The following KALRN variants were observed in gnomAD, a reference collection of about 807,000 sequenced individuals.
The protein encoded by KALRN is kalirin.
KALRN carries 70 observed loss-of-function variants against 353.7 expected under a neutral mutation model. That is an observed-to-expected ratio of 0.20 (90% CI 0.16 to 0.24). The LOEUF (loss-of-function observed/expected upper bound fraction) is 0.24. Among genes scored for constraint, KALRN ranks in the 10% least tolerant of loss-of-function variants. The pLI is 1.00. For missense variants in KALRN, 2,791 were observed against 3,756.7 expected (o/e 0.74, Z 6.72); for synonymous variants, 1,391 against 1,434.8 (o/e 0.97, Z 0.69).
chr3:124,436,127 A>C (rs1398891836), intron 17 of KALRN, among the ~76,000 whole-genome samples: 4 of 152,228 alleles, frequency 2.6e-5, no homozygotes, highest in Non-Finnish European at 5.9e-5. Flanking sequence ...TCAGCAAAGG[A>C]TGCTGGACAA....
At chr3:124,417,596 TA>T (rs1405446258) in intron 14 of KALRN, among the ~76,000 whole-genome samples, 3 of 152,204 alleles carry the variant, frequency 2.0e-5, no homozygotes, top group Admixed American at 2.0e-4. Flanking sequence ...CGTTTAAAAA[TA>T]AATAAATTCT....
chr3:124,667,050 T>A lies in KALRN; in HGVS notation c.6570T>A (p.Asp2190Glu). Residue 2190 changes from aspartate to glutamate, a missense_variant, in exon 47 of 60, where the codon GAT (aspartate) becomes GAA (glutamate). Around this residue, in one of 11 missense-constraint regions of KALRN, gnomAD observed 1,065 missense variants for 1,156.4 expected, o/e 0.92. Coordinates refer to ENST00000682506, the MANE Select transcript of KALRN (RefSeq NM_001388419.1). The stretch of plus-strand genomic sequence containing the variant: ...TCCTGGAGGAGAATGTGGACAATGA[T>A]CCCTGCAAGTTTGCACTCATGAACA... ...YLVLEENVDN[D>E]PCKFALMNRE... The A allele has an allele frequency of 1.9e-6, 3 of 1,613,654 alleles. No individual in the cohort carries two copies. The highest frequency in any genetic ancestry group is 2.5e-6 in the Non-Finnish European group (3 of 1,179,608).
chr3:124,667,455 T>C (rs2085782952), intron 47 of KALRN, among the ~76,000 whole-genome samples: 1 of 152,226 alleles, frequency 6.6e-6, no homozygotes, highest in Non-Finnish European at 1.5e-5. Context: ...CACTACCACC[T>C]GGTACTAATT....
intron 33 of KALRN, among the ~76,000 whole-genome samples, chr3:124,538,495 A>C (rs2109287077): frequency 6.6e-6 from 1 of 152,318 alleles, no homozygotes; most frequent in Admixed American, 6.5e-5. Context: ...TTCTGGGTCA[A>C]AATGACACTA....
intron 34 of KALRN, among the ~76,000 whole-genome samples, chr3:124,625,400 A>G (rs1486700236): frequency 2.0e-5 from 3 of 152,178 alleles, no homozygotes; most frequent in Non-Finnish European, 4.4e-5. Flanking sequence ...CAGTTCCACA[A>G]CATCCAAGAG....
At chr3:124,257,829 T>C (rs1056543436) in intron 3 of KALRN, among the ~76,000 whole-genome samples, 5 of 152,172 alleles carry the variant, frequency 3.3e-5, no homozygotes, top group African/African-American at 1.2e-4. Context: ...AAGTCTGCTT[T>C]GAAAAATATT....
intron 33 of KALRN, among the ~76,000 whole-genome samples, chr3:124,530,894 CT>C (rs2067988915): frequency 6.6e-6 from 1 of 152,150 alleles, no homozygotes; most frequent in Non-Finnish European, 1.5e-5. Context: ...GTGAATATAT[CT>C]GTTGGGATAA....
chr3:124,679,972 C>G (rs1356771979), intron 51 of KALRN, among the ~76,000 whole-genome samples: 1 of 152,198 alleles, frequency 6.6e-6, no homozygotes, highest in Non-Finnish European at 1.5e-5. Flanking sequence ...CTTCATCTTG[C>G]TCTTCTACTG....
intron 1 of KALRN, among the ~76,000 whole-genome samples, chr3:124,046,983 C>CTTT (rs201245508): frequency 1.4e-4 from 16 of 116,924 alleles, no homozygotes; most frequent in Non-Finnish European, 1.6e-4. Flanking sequence ...GGAAATGTAT[C>CTTT]TTTTTTTTTT....
intron 1 of KALRN, among the ~76,000 whole-genome samples, chr3:124,205,099 A>G (rs1049655774): frequency 1.3e-5 from 2 of 152,228 alleles, no homozygotes; most frequent in Non-Finnish European, 2.9e-5. Context: ...TTGCCTTGCC[A>G]TACTGGTCCA....
intron 16 of KALRN, among the ~76,000 whole-genome samples, 174 bp downstream of exon 16, chr3:124,430,949 G>A (rs1228133279): frequency 1.3e-5 from 2 of 152,166 alleles, no homozygotes; most frequent in Admixed American, 6.5e-5. Context: ...GCAAATGCAA[G>A]GGTTCATCCC....
intron 51 of KALRN, among the ~76,000 whole-genome samples, chr3:124,680,029 T>C (rs2087610358): frequency 6.6e-6 from 1 of 152,218 alleles, no homozygotes; most frequent in East Asian, 1.9e-4. Context: ...GGGTGAAGTA[T>C]GGCACCTGGT....
At chr3:124,207,759 T>C (rs1002538313) in intron 1 of KALRN, among the ~76,000 whole-genome samples, 3 of 152,194 alleles carry the variant, frequency 2.0e-5, no homozygotes, top group African/African-American at 7.2e-5. Flanking sequence ...TTAAGCAATA[T>C]AGATATGCAA....
intron 1 of KALRN, among the ~76,000 whole-genome samples, chr3:124,173,463 A>T (rs1385038156): frequency 6.6e-6 from 1 of 152,172 alleles, no homozygotes; most frequent in Non-Finnish European, 1.5e-5. Flanking sequence ...ATCTGAAGTT[A>T]CTTGGGAGAT....
chr3:124,411,886 A>G (rs1411538063), intron 13 of KALRN, among the ~76,000 whole-genome samples: 1 of 152,134 alleles, frequency 6.6e-6, no homozygotes, highest in Non-Finnish European at 1.5e-5. Context: ...AGATCCCCCA[A>G]GGATGCCCCA....
intron 58 of KALRN, among the ~76,000 whole-genome samples, chr3:124,715,978 A>C (rs944677002): frequency 1.1e-4 from 17 of 152,164 alleles, no homozygotes; most frequent in Middle Eastern, 6.9e-3. Context: ...ACTATATGAT[A>C]ATATTAATTC....
intron 1 of KALRN, among the ~76,000 whole-genome samples, chr3:124,221,532 A>G (rs1416599023): frequency 6.6e-6 from 1 of 152,212 alleles, no homozygotes; most frequent in African/African-American, 2.4e-5. Flanking sequence ...ACAACTGGAG[A>G]CAGCTCAGCT....
At chr3:124,094,921 T>C in intron 1 of KALRN, 2 of 1,609,016 alleles carry the variant, frequency 1.2e-6, no homozygotes, top group African/African-American at 1.3e-5. Context: ...TGAGTGTGTG[T>C]ATGCTTGTAT....
intron 1 of KALRN, chr3:124,152,593 CTTTTTT>C (rs58613752): frequency 1.8e-3 from 103 of 56,598 alleles, no homozygotes; most frequent in Admixed American, 4.7e-3. Context: ...TTCTTTCTTT[CTTTTTT>C]TTTTTTTTTT....
Sources: allele counts gnomAD v4.1 joint callset (sites outside exome capture counted in the v4.1 genomes callset), GRCh38; gene constraint gnomAD v4.1.1; regional missense constraint gnomAD v4.1.1; transcripts MANE v1.5; gene names NCBI Gene and HGNC (gene_info 2026-07-23, HGNC 2026-07-21).